The following MELK variants were observed in gnomAD, a reference collection of about 807,000 sequenced individuals.
The protein encoded by MELK is maternal embryonic leucine zipper kinase, also known as pEg3 kinase.
MELK carries 81 observed loss-of-function variants against 85.0 expected under a neutral mutation model. The observed-to-expected ratio is 0.95, with a 90% CI of 0.80 to 1.15. The LOEUF (loss-of-function observed/expected upper bound fraction) is 1.15, where lower values mean the gene tolerates loss of function less well. MELK is among the 50% of genes most tolerant of loss of function. The probability of loss-of-function intolerance (pLI) is 0.00; values close to 1 mark genes in which losing one functional copy is unlikely to be tolerated. For synonymous variants in MELK, 252 were observed against 265.0 expected (o/e 0.95, Z 0.48); for missense variants, 754 against 777.5 (o/e 0.97, Z 0.36).
chr9:36,647,682 T>C (rs1262140645), intron 11 of MELK, among the ~76,000 whole-genome samples: 2 of 151,802 alleles, frequency 1.3e-5, no homozygotes, highest in Non-Finnish European at 2.9e-5. Context: ...AGAGACAGGG[T>C]TTTACCATGT....
At chr9:36,578,260 A>G (rs1048495801) in intron 1 of MELK, among the ~76,000 whole-genome samples, 1 of 143,434 alleles carries the variant, frequency 7.0e-6, no homozygotes, top group African/African-American at 2.6e-5. Flanking sequence ...TTTTTCCTTC[A>G]CCTCATGGCT....
intron 3 of MELK, among the ~76,000 whole-genome samples, chr9:36,588,410 G>A (rs1245993316): frequency 3.1e-5 from 4 of 127,516 alleles, no homozygotes; most frequent in Non-Finnish European, 6.4e-5. Context: ...ACGGAGTTTC[G>A]CTCTTGTTGC....
Position 36,669,505 on chromosome 9 carries a change from G to C in MELK, c.1505+99G>C, listed in dbSNP as rs910204572. On this transcript the variant is annotated intron_variant, in intron 15 of 17. Transcript: ENST00000298048. ...CCTGATTAAGGTAAATCATCACATA[G>C]ATTCTGTTGGAGAGTAGGAATATCT... The C allele has an allele frequency of 1.7e-5, 14 of 837,684 alleles. No homozygotes were observed. In the African/African-American group the frequency reaches 2.5e-4, roughly 15 times the overall value. 51.9% of individuals were successfully genotyped at this position (837,684 alleles called of 1,614,324 possible). A position where few individuals can be genotyped will look rare whatever the true frequency, so the allele number is the denominator to read the frequency against.
chr9:36,651,594 T>G, intron 11 of MELK, 152 bp from the exon 12 acceptor site: 1 of 755,614 alleles, frequency 1.3e-6, no homozygotes, highest in Non-Finnish European at 2.1e-6. Flanking sequence ...GGAGGTGTGG[T>G]GCACTGGTTG....
intron 7 of MELK, among the ~76,000 whole-genome samples, chr9:36,600,941 T>A (rs1824854978): frequency 6.6e-6 from 1 of 152,194 alleles, no homozygotes; most frequent in South Asian, 2.1e-4. Context: ...ATGAGGAACT[T>A]TGGTATATCT....
Position 36,629,784 on chromosome 9 carries a change from T to G in MELK, c.667-515T>G, listed in dbSNP as rs148549674. On this transcript the variant is annotated intron_variant, in intron 8 of 17. Transcript: ENST00000298048. Reference sequence around the variant, plus strand: ...CTCTAGCCCTTCTCTGATATGTGGATAATTTAGAGGCAATGATAGTATTTA... The same window carrying G: ...CTCTAGCCCTTCTCTGATATGTGGAGAATTTAGAGGCAATGATAGTATTTA... 1.6e-4 allele frequency among the ~76,000 whole-genome samples: 25 copies of G among 152,076 alleles called. No homozygotes were observed. In the East Asian group the frequency reaches 4.8e-3, roughly 29 times the overall value.
At chr9:36,576,171 G>C (rs2043275228) in intron 1 of MELK, among the ~76,000 whole-genome samples, 1 of 152,118 alleles carries the variant, frequency 6.6e-6, no homozygotes. Flanking sequence ...TCCTTGCCTT[G>C]AGTAACTTTT....
chr9:36,634,603 A>ATTCCT (rs1224628936), intron 10 of MELK, among the ~76,000 whole-genome samples: 1 of 152,134 alleles, frequency 6.6e-6, no homozygotes, highest in Non-Finnish European at 1.5e-5. Context: ...GGTTCTCAGG[A>ATTCCT]GGCTGAGGCA....
Position 36,670,919 on chromosome 9 carries a change from G to A in MELK, c.1506-79G>A, listed in dbSNP as rs370890995. On this transcript the variant is annotated intron_variant, in intron 15 of 17. Coordinates refer to ENST00000298048, the MANE Select transcript of MELK (RefSeq NM_014791.4). Reference sequence around the variant, plus strand: ...AGTGAGGCATCCTAATGTGTATGAAGGGACAAAAGTTCACCCTTGTGGACC... The same window carrying A: ...AGTGAGGCATCCTAATGTGTATGAAAGGACAAAAGTTCACCCTTGTGGACC... The A allele has an allele frequency of 5.5e-5, 80 of 1,441,830 alleles. No homozygotes were observed. In the East Asian group the frequency reaches 6.3e-4, roughly 11 times the overall value. The allele number at this position is 1,441,830 out of a possible 1,614,324, so 89.3% of individuals were successfully genotyped here.
intron 8 of MELK, 69 bp downstream of exon 8, chr9:36,607,742 A>G (rs1825699784): frequency 9.3e-6 from 10 of 1,076,610 alleles, no homozygotes; most frequent in Admixed American, 2.0e-5. Flanking sequence ...GCTTTCATTC[A>G]TAAATGTACA....
chr9:36,644,539 T>A (rs902601198), intron 11 of MELK, among the ~76,000 whole-genome samples: 7 of 152,208 alleles, frequency 4.6e-5, no homozygotes, highest in African/African-American at 1.7e-4. Flanking sequence ...ATAATTTACT[T>A]TTTCATGGAT....
At chr9:36,595,572 T>C (rs1824124119) in intron 5 of MELK, among the ~76,000 whole-genome samples, 1 of 151,268 alleles carries the variant, frequency 6.6e-6, no homozygotes, top group African/African-American at 2.4e-5. Flanking sequence ...ATTCTGTGTA[T>C]CTGTCAATTG....
At chr9:36,630,814 T>A (rs527541626) in intron 9 of MELK, among the ~76,000 whole-genome samples, 2 of 152,136 alleles carry the variant, frequency 1.3e-5, no homozygotes, top group South Asian at 4.2e-4. Flanking sequence ...CCACCATGCC[T>A]GGCTAATTTT....
chr9:36,666,136 C>G (rs148229236), intron 14 of MELK, among the ~76,000 whole-genome samples: 1 of 152,366 alleles, frequency 6.6e-6, no homozygotes, highest in East Asian at 1.9e-4. Flanking sequence ...ACAACTTCCT[C>G]ATTTCCCTTG....
At chr9:36,649,661 C>T (rs939621749) in intron 11 of MELK, among the ~76,000 whole-genome samples, 4 of 151,906 alleles carry the variant, frequency 2.6e-5, no homozygotes, top group African/African-American at 4.8e-5. Context: ...CCCGGGTACT[C>T]GGGACCCTGA....
At chr9:36,670,853 T>C in intron 15 of MELK, 145 bp from the exon 16 acceptor site, 1 of 812,500 alleles carries the variant, frequency 1.2e-6, no homozygotes, top group Non-Finnish European at 1.8e-6. Context: ...GCTTTGGTGC[T>C]TCCTGAGGAA....
At chr9:36,641,289 G>A (rs1178481108) in intron 10 of MELK, among the ~76,000 whole-genome samples, 1 of 152,164 alleles carries the variant, frequency 6.6e-6, no homozygotes, top group African/African-American at 2.4e-5. Context: ...CTAGGCGCTT[G>A]CTCTATGTTG....
At chr9:36,629,546 TG>T (rs1828305974) in intron 8 of MELK, among the ~76,000 whole-genome samples, 1 of 152,224 alleles carries the variant, frequency 6.6e-6, no homozygotes, top group Non-Finnish European at 1.5e-5. Flanking sequence ...TTCTGTTTTG[TG>T]GATGACCTGT....
chr9:36,631,320 C>G (rs772256538), intron 9 of MELK, among the ~76,000 whole-genome samples: 1 of 150,876 alleles, frequency 6.6e-6, no homozygotes, highest in East Asian at 2.0e-4. Flanking sequence ...TGCAACGGTG[C>G]GATCTTGGCT....
Sources: allele counts gnomAD v4.1 joint callset (sites outside exome capture counted in the v4.1 genomes callset), GRCh38; gene constraint gnomAD v4.1.1; transcripts MANE v1.5; gene names NCBI Gene and HGNC (gene_info 2026-07-23, HGNC 2026-07-21).